The following ENAH variants were observed in gnomAD, a reference collection of about 807,000 sequenced individuals.
ENAH encodes the protein protein enabled homolog.
A neutral mutation model predicts 78.7 loss-of-function variants in ENAH; 23 were observed. That is an observed-to-expected ratio of 0.29 (90% CI 0.21 to 0.41). The LOEUF (loss-of-function observed/expected upper bound fraction) is 0.41. Among genes scored for constraint, ENAH ranks in the 10% least tolerant of loss-of-function variants. The pLI is 1.00. For synonymous variants in ENAH, 226 were observed against 241.0 expected, an observed-to-expected ratio of 0.94 and a Z score of 0.58; for missense variants, 544 against 691.0, an observed-to-expected ratio of 0.79 and a Z score of 2.39.
intron 1 of ENAH, among the ~76,000 whole-genome samples, chr1:225,642,210 A>G (rs76028769): frequency 7.4e-5 from 10 of 135,384 alleles, no homozygotes; most frequent in South Asian, 2.3e-4. Context: ...CCATCTCAGG[A>G]AAAAAAAAAA....
intron 3 of ENAH, among the ~76,000 whole-genome samples, chr1:225,531,524 T>G (rs2096537321): frequency 6.6e-6 from 1 of 152,068 alleles, no homozygotes; most frequent in African/African-American, 2.4e-5. Context: ...TAAAGTCTAA[T>G]CCAGTAAACA....
Position 225,508,005 on chromosome 1 carries a change from T to G in ENAH, c.1484A>C (p.Lys495Thr). 1 of 1,554,668 alleles carries G rather than the reference T, an allele frequency of 6.4e-7. No individual in the cohort carries two copies. The highest frequency in any genetic ancestry group is 2.1e-5 in the Admixed American group (1 of 47,544). Residue 495 changes from lysine (K) to threonine (T), a missense_variant, in exon 11 of 14, where the codon AAA (lysine) becomes ACA (threonine). Around this residue, in one of 4 missense-constraint regions of ENAH, gnomAD observed 97 missense variants for 124.4 expected, o/e 0.78. Coordinates refer to ENST00000366843, the MANE Select transcript of ENAH (RefSeq NM_018212.6). ...SSTSTPEPTR[K>T]PWERTNTMNG... The stretch of plus-strand genomic sequence containing the variant: ...CATTGTATTTGTTCTTTCCCAAGGT[T>G]TTCTTGTTGGTTCTTTAAAAATAAA...
chr1:225,615,776 C>T (rs1307717433), intron 1 of ENAH, among the ~76,000 whole-genome samples: 4 of 149,560 alleles, frequency 2.7e-5, no homozygotes, highest in Non-Finnish European at 4.5e-5. Flanking sequence ...CCGGCCGCCC[C>T]GTCTGAGAAG....
rs2096205557 is a variant in ENAH, at chr1:225,487,594, T to G, written c.*10181A>C. On this transcript the variant is annotated 3_prime_UTR_variant, in exon 14 of 14. Transcript: ENST00000366843. Reference sequence around the variant, plus strand: ...ATAGTAAATGATTTCTAGTTACAATTAAAATACAGCCTTGTATATGTTTAA... The same window carrying G: ...ATAGTAAATGATTTCTAGTTACAATGAAAATACAGCCTTGTATATGTTTAA... The G allele has an allele frequency of 6.6e-6, 1 of 152,250 alleles. No individual in the cohort carries two copies. Among genetic ancestry groups the G allele is most frequent in the African/African-American group, 2.4e-5 (1 of 41,458 alleles). 9.4% of individuals were successfully genotyped at this position (152,250 alleles called of 1,614,324 possible).
intron 1 of ENAH, among the ~76,000 whole-genome samples, chr1:225,576,082 A>T (rs189561383): frequency 6.6e-6 from 1 of 152,220 alleles, no homozygotes; most frequent in Non-Finnish European, 1.5e-5. Flanking sequence ...CAGCCTGGGC[A>T]ACATAGCAAG....
intron 3 of ENAH, among the ~76,000 whole-genome samples, chr1:225,540,506 G>T (rs1248183544): frequency 6.6e-6 from 1 of 152,046 alleles, no homozygotes; most frequent in African/African-American, 2.4e-5. Context: ...CATACTTAGG[G>T]GTGGGGAAAA....
At chr1:225,508,241 G>A (rs2096349717) in intron 10 of ENAH, 1 of 288,404 alleles carries the variant, frequency 3.5e-6, no homozygotes, top group Non-Finnish European at 6.3e-6. Flanking sequence ...AGTTTCCAAG[G>A]AAAACTTACA....
At chr1:225,641,685 G>A (rs1308523146) in intron 1 of ENAH, among the ~76,000 whole-genome samples, 1 of 151,062 alleles carries the variant, frequency 6.6e-6, no homozygotes, top group Non-Finnish European at 1.5e-5. Flanking sequence ...TCCGGAGTTC[G>A]AGACCAGCCT....
intron 1 of ENAH, among the ~76,000 whole-genome samples, chr1:225,631,815 T>TTTGTC (rs1659135007): frequency 6.6e-6 from 1 of 152,164 alleles, no homozygotes; most frequent in South Asian, 2.1e-4. Flanking sequence ...TTTGTTTTGT[T>TTTGTC]TTTTTAATCC....
At chr1:225,639,204 G>C (rs531212643) in intron 1 of ENAH, among the ~76,000 whole-genome samples, 4 of 152,308 alleles carry the variant, frequency 2.6e-5, no homozygotes, top group Admixed American at 2.6e-4. Flanking sequence ...TGACTGGGAA[G>C]GGGCATGAGG....
At chr1:225,517,100 T>A (rs2096425762) in intron 6 of ENAH, 96 bp downstream of exon 6, 3 of 1,047,422 alleles carry the variant, frequency 2.9e-6, no homozygotes, top group African/African-American at 3.2e-5. Context: ...TGTTCAAGGA[T>A]CAAAACCATC....
intron 1 of ENAH, among the ~76,000 whole-genome samples, chr1:225,631,787 A>G (rs1272345156): frequency 6.6e-6 from 1 of 151,452 alleles, no homozygotes; most frequent in African/African-American, 2.4e-5. Context: ...ATCATCTAGC[A>G]AGAGTTAGTT....
At position 225,514,922 on chromosome 1, in the gene ENAH, T is replaced by A. The variant is rs2096406076; in HGVS notation, c.914-22A>T. ...ATGCCTGAGAGAGAGAAATGTTAAG[T>A]AAGACCATCAACAATAGAGCTGAGT... On this transcript the variant is annotated intron_variant, in intron 6 of 13. Coordinates refer to ENST00000366843, the MANE Select transcript of ENAH (RefSeq NM_018212.6). The A allele has an allele frequency of 1.9e-6, 3 of 1,592,150 alleles. No individual in the cohort carries two copies. The South Asian group carries it at 3.3e-5, about 18-fold the overall frequency.
At chr1:225,497,945 T>C (rs2096258250) in intron 13 of ENAH, 133 bp from the exon 14 acceptor site, 3 of 667,190 alleles carry the variant, frequency 4.5e-6, no homozygotes, top group African/African-American at 3.6e-5. Flanking sequence ...GCATCTTTCA[T>C]TGCACACATC....
Position 225,652,874 on chromosome 1 carries a change from T to A in ENAH, c.-184A>T. 1 of 413,694 alleles carries A rather than the reference T, an allele frequency of 2.4e-6. No homozygotes were observed. Among genetic ancestry groups the A allele is most frequent in the Non-Finnish European group, 4.1e-6 (1 of 241,440 alleles). The allele number at this position is 413,694 out of a possible 1,614,324, so 25.6% of individuals were successfully genotyped here. A position where few individuals can be genotyped will look rare whatever the true frequency, so the allele number is the denominator to read the frequency against. ...ACAAAGCCGAGGCGCCGGCCGGGAG[T>A]GTGGGAGAAGAGGGCGAGAGAAAGG... On this transcript the variant is annotated 5_prime_UTR_variant, in exon 1 of 14. Coordinates refer to ENST00000366843, the MANE Select transcript of ENAH (RefSeq NM_018212.6).
chr1:225,559,954 G>C (rs1285023940), intron 2 of ENAH, among the ~76,000 whole-genome samples: 21 of 152,162 alleles, frequency 1.4e-4, no homozygotes, highest in Admixed American at 1.4e-3. Flanking sequence ...CATTGGGAGT[G>C]CCAGAAGGGA....
intron 1 of ENAH, among the ~76,000 whole-genome samples, chr1:225,649,351 C>T (rs1662549589): frequency 6.6e-6 from 1 of 151,806 alleles, no homozygotes; most frequent in Admixed American, 6.6e-5. Context: ...CCTTAGCCAC[C>T]AGGCTACATG....
chr1:225,598,623 C>T (rs564749465), intron 1 of ENAH, among the ~76,000 whole-genome samples: 83 of 151,174 alleles, frequency 5.5e-4, no homozygotes, highest in African/African-American at 2.0e-3. Flanking sequence ...AAATGTATAA[C>T]CTTTAAACCA....
chr1:225,528,732 A>G (rs1417559974), intron 4 of ENAH, among the ~76,000 whole-genome samples: 2 of 152,168 alleles, frequency 1.3e-5, no homozygotes, highest in Non-Finnish European at 2.9e-5. Flanking sequence ...ATTCTTCCTT[A>G]GTCTCCTAGA....
Sources: gnomAD v4.1 joint callset for allele counts (sites outside exome capture counted in the v4.1 genomes callset) on GRCh38, gnomAD v4.1.1 for gene constraint, gnomAD v4.1.1 regional missense constraint, MANE v1.5 for transcripts, NCBI Gene and HGNC (gene_info 2026-07-23, HGNC 2026-07-21) for gene names.